PCDH11Y: variants seen among roughly 807,000 people sequenced by gnomAD.
The protein encoded by PCDH11Y is protocadherin 11 Y-linked.
For missense variants in PCDH11Y, 12 were observed against 224.8 expected (o/e 0.05, Z 6.05); for synonymous variants, 9 against 83.6 (o/e 0.11, Z 4.87).
chrY:5,010,067 C>T, intron 1 of PCDH11Y, among the ~76,000 whole-genome samples: 1 of 30,060 alleles, frequency 3.3e-5, no homozygotes, highest in Non-Finnish European at 8.0e-5. Context: ...ATTAGCTGGG[C>T]GTCTTGCTGC....
intron 2 of PCDH11Y, among the ~76,000 whole-genome samples, chrY:5,170,657 G>A (rs2052885585): frequency 3.2e-5 from 1 of 30,965 alleles, no homozygotes; most frequent in South Asian, 7.4e-4. Flanking sequence ...ATTTTGATGT[G>A]TGCATTTGAG....
chrY:5,577,855 A>G (rs2053447498), intron 3 of PCDH11Y, among the ~76,000 whole-genome samples: 21 of 32,272 alleles, frequency 6.5e-4, no homozygotes, highest in Non-Finnish European at 1.1e-3. Flanking sequence ...TTCTTATGAT[A>G]ACGAGTGCGT....
At chrY:5,094,293 TCA>T (rs2052746602) in intron 1 of PCDH11Y, among the ~76,000 whole-genome samples, 1 of 31,733 alleles carries the variant, frequency 3.2e-5, no homozygotes, top group East Asian at 8.1e-4. Flanking sequence ...GATGTTGGAT[TCA>T]TGTGTTAGTT....
intron 2 of PCDH11Y, among the ~76,000 whole-genome samples, chrY:5,285,304 T>C: frequency 3.1e-5 from 1 of 32,651 alleles, no homozygotes; most frequent in Non-Finnish European, 7.6e-5. Context: ...AGTTTAACAT[T>C]GATGGGCGTT....
At chrY:5,001,928 C>T in intron 1 of PCDH11Y, among the ~76,000 whole-genome samples, 1 of 33,823 alleles carries the variant, frequency 3.0e-5, no homozygotes, top group Non-Finnish European at 7.3e-5. Context: ...CGCTAGGCTG[C>T]TCATGTGAAG....
At chrY:5,207,417 G>T in intron 2 of PCDH11Y, 1 of 276,968 alleles carries the variant, frequency 3.6e-6, no homozygotes, top group Non-Finnish European at 5.8e-6. Context: ...TTTGAAATGC[G>T]TGTTACTGTT....
At chrY:5,670,703 G>A in intron 4 of PCDH11Y, among the ~76,000 whole-genome samples, 1 of 31,600 alleles carries the variant, frequency 3.2e-5, no homozygotes, top group Non-Finnish European at 7.8e-5. Context: ...CAGATGGGTA[G>A]GTTGCAAATA....
At chrY:5,165,377 A>G (rs2052878294) in intron 2 of PCDH11Y, among the ~76,000 whole-genome samples, 1 of 33,054 alleles carries the variant, frequency 3.0e-5, no homozygotes, top group Non-Finnish European at 7.6e-5. Context: ...ATTCAACTGT[A>G]TATCAATAAG....
At chrY:5,693,894 T>A in intron 4 of PCDH11Y, among the ~76,000 whole-genome samples, 1 of 33,333 alleles carries the variant, frequency 3.0e-5, no homozygotes, top group African/African-American at 1.2e-4. Flanking sequence ...TGATTAGACT[T>A]ACTAACTACT....
intron 2 of PCDH11Y, among the ~76,000 whole-genome samples, chrY:5,299,618 T>A (rs1227258677): frequency 0.016 from 501 of 31,819 alleles, no homozygotes; most frequent in Admixed American, 0.11. Context: ...AGGTAAAAAT[T>A]GATATAAGGA....
At chrY:5,146,516 T>A (rs374449093) in intron 2 of PCDH11Y, among the ~76,000 whole-genome samples, 2 of 33,833 alleles carry the variant, frequency 5.9e-5, no homozygotes, top group East Asian at 7.9e-4. Flanking sequence ...TTAATAAAAA[T>A]CAAAAACAAA....
chrY:5,032,260 T>C, intron 2 of PCDH11Y, among the ~76,000 whole-genome samples: 1 of 33,679 alleles, frequency 3.0e-5, no homozygotes, highest in Admixed American at 2.7e-4. Flanking sequence ...ACCTATTCCA[T>C]ATAAATAAAA....
chrY:5,480,087 G>C, intron 2 of PCDH11Y, among the ~76,000 whole-genome samples: 4 of 31,940 alleles, frequency 1.3e-4, no homozygotes, highest in African/African-American at 2.5e-4. Context: ...AAGAGGAGTT[G>C]CGATCATTTG....
intron 2 of PCDH11Y, among the ~76,000 whole-genome samples, chrY:5,218,289 G>A: frequency 3.1e-5 from 1 of 32,721 alleles, no homozygotes; most frequent in African/African-American, 1.2e-4. Flanking sequence ...CTGAAAATCT[G>A]CAGGAAGACT....
intron 2 of PCDH11Y, among the ~76,000 whole-genome samples, chrY:5,407,892 C>A (rs373713464): frequency 0.023 from 398 of 17,098 alleles, no homozygotes; most frequent in Admixed American, 0.12. Context: ...CCAGCCTGGG[C>A]GACAGAGCGA....
intron 1 of PCDH11Y, among the ~76,000 whole-genome samples, chrY:5,023,607 T>C: frequency 1.2e-4 from 4 of 33,941 alleles, no homozygotes; most frequent in Admixed American, 2.7e-4. Context: ...GCAATCTGTG[T>C]TCCCCCTCAG....
At chrY:5,490,003 G>A (rs2053337060) in intron 2 of PCDH11Y, among the ~76,000 whole-genome samples, 1 of 32,083 alleles carries the variant, frequency 3.1e-5, no homozygotes. Context: ...ATATTAAAAT[G>A]CCAAAAAAAG....
intron 1 of PCDH11Y, among the ~76,000 whole-genome samples, chrY:5,005,091 G>T (rs2052537957): frequency 3.0e-5 from 1 of 33,824 alleles, no homozygotes; most frequent in Non-Finnish European, 7.3e-5. Context: ...TTGGTGTCTT[G>T]TTACAAAGTT....
At chrY:5,270,120 T>C in intron 2 of PCDH11Y, among the ~76,000 whole-genome samples, 2 of 30,503 alleles carry the variant, frequency 6.6e-5, no homozygotes, top group Non-Finnish European at 7.8e-5. Flanking sequence ...GAAACAGAGT[T>C]GTTACAAGGA....
Sources: gnomAD v4.1 joint callset for allele counts (sites outside exome capture counted in the v4.1 genomes callset) on GRCh38, gnomAD v4.1.1 for gene constraint, MANE v1.5 for transcripts, NCBI Gene and HGNC (gene_info 2026-07-23, HGNC 2026-07-21) for gene names.